The following ADPRHL1 variants were observed in gnomAD, a reference collection of about 807,000 sequenced individuals.
The protein encoded by ADPRHL1 is ADP-ribosylhydrolase like 1.
Under a neutral mutation model 44.1 loss-of-function variants are expected in ADPRHL1, and 43 were observed. That is an observed-to-expected ratio of 0.98 (90% CI 0.76 to 1.26). ADPRHL1 has a LOEUF of 1.26. Among genes scored for constraint, ADPRHL1 ranks in the 50% most tolerant of loss-of-function variants. ADPRHL1 has a pLI of 0.00. For missense variants in ADPRHL1, 2,022 were observed against 2,496.9 expected (o/e 0.81, Z 4.05); for synonymous variants, 878 against 1,017.4 (o/e 0.86, Z 2.61).
In ADPRHL1 at chr13:113,441,132, G is replaced by A. The variant is rs901563073; in HGVS notation, c.379+3293C>T. ...TGCGCCACTGCACTCCAATCTGGGC[G>A]ACAGAGCAAGACTCCATCTCAAAAT... On this transcript the variant is annotated intron_variant, in intron 2 of 7. Coordinates refer to ENST00000612156, the MANE Select transcript of ADPRHL1 (RefSeq NM_001394807.1). This position sits in a 1 kb window ranked among gnomAD's most constrained non-coding sequence, Gnocchi z 6.0. 9.9e-5 allele frequency among the ~76,000 whole-genome samples: 15 copies of A among 152,168 alleles called. No individual in the cohort carries two copies. The highest frequency in any genetic ancestry group is 1.6e-4 in the Non-Finnish European group (11 of 68,042).
intron 2 of ADPRHL1, among the ~76,000 whole-genome samples, chr13:113,442,335 G>C (rs946035246): frequency 6.6e-6 from 1 of 152,190 alleles, no homozygotes; most frequent in Non-Finnish European, 1.5e-5. Context: ...CGCATCTGTT[G>C]TCCCATCTAT....
At chr13:113,446,786 T>C (rs1255878116) in intron 1 of ADPRHL1, among the ~76,000 whole-genome samples, 1 of 152,136 alleles carries the variant, frequency 6.6e-6, no homozygotes, top group Non-Finnish European at 1.5e-5. Context: ...AGGCATGGCT[T>C]TGTCTATATG....
In ADPRHL1 at chr13:113,408,155, ATCT is replaced by A. The variant is rs767297377; in HGVS notation, c.1124_1126del (p.Lys375del). 10 of 1,231,912 alleles carry A rather than the reference ATCT, an allele frequency of 8.1e-6. No individual in the cohort carries two copies. The highest frequency in any genetic ancestry group is 3.2e-5 in the East Asian group (1 of 31,718). 76.3% of individuals were successfully genotyped at this position (1,231,912 alleles called of 1,614,324 possible). ...GGCCGGGTCACAGGCCAGCTTGCCC[ATCT>A]TCTTCTTCAGGGTTTGGGCGTCCAC... On this transcript the variant is annotated inframe_deletion, in exon 8 of 8. Coordinates refer to ENST00000612156, the MANE Select transcript of ADPRHL1 (RefSeq NM_001394807.1).
intron 1 of ADPRHL1, chr13:113,449,061 G>C (rs2044161623): frequency 1.0e-6 from 1 of 987,258 alleles, no homozygotes; most frequent in Non-Finnish European, 1.2e-6. Context: ...TGTCGTTTCA[G>C]GGCCATGGAT....
At chr13:113,436,396 G>C (rs2044056951) in intron 2 of ADPRHL1, among the ~76,000 whole-genome samples, 1 of 33,064 alleles carries the variant, frequency 3.0e-5, no homozygotes, top group African/African-American at 1.2e-4. Flanking sequence ...TGTACCCCGG[G>C]ACCCAGCACC....
At position 113,407,110 on chromosome 13, in the gene ADPRHL1, T is replaced by A. The variant is rs1595536281; in HGVS notation, c.2172A>T (p.Ser724=). ...AAGGGCTGGCCGGTCCCAGTGGGGA[T>A]GATGCAGGCACAAGGCCAGGAAGGA... The part of the protein sequence containing the change: ...GGVLPGLVPA[S]SPLGPASPWG... The change falls in exon 8 of 8, where the codon TCA becomes TCT. Residue 724 remains serine (S), a synonymous_variant. Coordinates refer to ENST00000612156, the MANE Select transcript of ADPRHL1 (RefSeq NM_001394807.1). The A allele has an allele frequency of 8.1e-7, 1 of 1,232,238 alleles. No homozygotes were observed. The highest frequency in any genetic ancestry group is 3.2e-5 in the East Asian group (1 of 31,706). 76.3% of individuals were successfully genotyped at this position (1,232,238 alleles called of 1,614,324 possible).
intron 4 of ADPRHL1, among the ~76,000 whole-genome samples, chr13:113,427,532 TTTTTC>T (rs1190356744): frequency 4.6e-5 from 7 of 152,166 alleles, no homozygotes; most frequent in Admixed American, 2.0e-4. Flanking sequence ...CCCGGCCTCT[TTTTTC>T]TTTTCTTTTT....
At chr13:113,449,186 G>C in intron 1 of ADPRHL1, 1 of 1,032,376 alleles carries the variant, frequency 9.7e-7, no homozygotes, top group South Asian at 3.3e-5. Flanking sequence ...CCCAGTCAGA[G>C]AGGCTCACCC....
chr13:113,404,842 T>C lies in ADPRHL1; in HGVS notation c.4440A>G (p.Gly1480=). ...GGGCCTGTCCTTGGGCTGCCGGGCT[T>C]CCCGGCCCCTCGGGCTCCCCTGGAG... is the stretch of plus-strand genomic sequence containing the variant. ...AVPPGEPEGP[G]SPAAQGQAQK... is the part of the protein sequence containing the mutation. Residue 1480 remains glycine, a synonymous_variant, in exon 8 of 8, where the codon GGA becomes GGG. Coordinates refer to ENST00000612156, the MANE Select transcript of ADPRHL1 (RefSeq NM_001394807.1). 1 of 1,248,376 alleles carries C rather than the reference T, an allele frequency of 8.0e-7. No homozygotes were observed. 77.3% of individuals were successfully genotyped at this position (1,248,376 alleles called of 1,614,324 possible).
At position 113,400,489 on chromosome 13, in the gene ADPRHL1, T is replaced by A. The variant is rs1477785870; in HGVS notation, c.*2889A>T. The stretch of plus-strand genomic sequence containing the variant: ...TTTTTTTTTAAAAAAACAAAACAAC[T>A]TTGGGTTTTATTTAAAATGCCCGTG... On this transcript the variant is annotated 3_prime_UTR_variant, in exon 8 of 8. Coordinates refer to ENST00000612156, the MANE Select transcript of ADPRHL1 (RefSeq NM_001394807.1). The A allele has an allele frequency of 1.3e-5, 2 of 150,954 alleles. No homozygotes were observed. Among genetic ancestry groups the A allele is most frequent in the African/African-American group, 2.4e-5 (1 of 40,904 alleles). The allele number at this position is 150,954 out of a possible 1,614,324, so 9.4% of individuals were successfully genotyped here.
intron 3 of ADPRHL1, 37 bp from the exon 4 acceptor site, chr13:113,429,129 T>G (rs749397359): frequency 6.3e-7 from 1 of 1,583,894 alleles, no homozygotes; most frequent in Non-Finnish European, 8.6e-7. Flanking sequence ...CACCATCACC[T>G]GGGCCGCTTG....
rs1462427821 is a variant in ADPRHL1 at position 113,400,301 on chromosome 13, A to G, written c.*3077T>C. The G allele has an allele frequency of 1.9e-4, 28 of 149,544 alleles. No individual in the cohort carries two copies. The highest frequency in any genetic ancestry group is 6.1e-4 in the African/African-American group (25 of 40,794). 9.3% of individuals were successfully genotyped at this position (149,544 alleles called of 1,614,324 possible). A position where few individuals can be genotyped will look rare whatever the true frequency, so the allele number is the denominator to read the frequency against. ...GCTGGGACTACAGGCACCCACCACC[A>G]CGCCCGGCTAATTTTTGTATTTTTA... On this transcript the variant is annotated 3_prime_UTR_variant, in exon 8 of 8. Transcript: ENST00000612156.
At chr13:113,426,063 T>C (rs2043966152) in intron 4 of ADPRHL1, among the ~76,000 whole-genome samples, 1 of 152,228 alleles carries the variant, frequency 6.6e-6, no homozygotes, top group Admixed American at 6.5e-5. Context: ...GCCCTGTGCC[T>C]GCAGAGCAGG....
intron 2 of ADPRHL1, among the ~76,000 whole-genome samples, chr13:113,439,517 G>T (rs146794401): frequency 6.6e-6 from 1 of 150,532 alleles, no homozygotes; most frequent in Admixed American, 6.6e-5. Flanking sequence ...ATGTGATCTC[G>T]GCTCACTGCA....
rs557421561 is a variant in ADPRHL1 at position 113,441,889 on chromosome 13, G to A, written c.379+2536C>T. ...CTATCACACTCTGTCCCCACCCTGTGTGTGAGTCTGTGTCTCTATCACGCT... is the reference window on the plus strand; with the variant it reads ...CTATCACACTCTGTCCCCACCCTGTATGTGAGTCTGTGTCTCTATCACGCT... On this transcript the variant is annotated intron_variant, in intron 2 of 7. Transcript: ENST00000612156. This position sits in a 1 kb window ranked among gnomAD's most constrained non-coding sequence, Gnocchi z 6.0. Among the ~76,000 whole-genome samples, 9 of 152,314 alleles carry A rather than the reference G, an allele frequency of 5.9e-5. No homozygotes were observed. Among genetic ancestry groups the A allele is most frequent in the African/African-American group, 2.2e-4 (9 of 41,578 alleles).
chr13:113,407,805 A>AG lies in ADPRHL1; in HGVS notation c.1476dup (p.Trp493LeufsTer124), dbSNP rs2043820520. The AG allele has an allele frequency of 6.5e-6, 8 of 1,231,890 alleles. No individual in the cohort carries two copies. The East Asian group carries it at 2.5e-4, about 39-fold the overall frequency. The allele number at this position is 1,231,890 out of a possible 1,614,324, so 76.3% of individuals were successfully genotyped here. A position where few individuals can be genotyped will look rare whatever the true frequency, so the allele number is the denominator to read the frequency against. ...GTGCTCTTCCCGGCCGGGTGGCCCC[A>AG]GCGGGGCTTCTCGCTGAGGCAGGGC... On this transcript the variant is annotated frameshift_variant, in exon 8 of 8. Transcript: ENST00000612156. LOFTEE classifies it low-confidence loss of function (END_TRUNC).
intron 1 of ADPRHL1, among the ~76,000 whole-genome samples, chr13:113,446,124 C>T (rs1467968174): frequency 4.5e-5 from 6 of 134,808 alleles, no homozygotes; most frequent in Non-Finnish European, 6.4e-5. Flanking sequence ...CAGCTGCAGG[C>T]CCCCCCTCCC....
At chr13:113,452,938 C>T (rs866357315) in intron 1 of ADPRHL1, among the ~76,000 whole-genome samples, 4 of 152,206 alleles carry the variant, frequency 2.6e-5, no homozygotes, top group Admixed American at 1.3e-4. Context: ...GCCTAGTTAA[C>T]GCTTTACAAA....
At chr13:113,421,136 C>T (rs1318026991) in intron 7 of ADPRHL1, among the ~76,000 whole-genome samples, 1 of 142,530 alleles carries the variant, frequency 7.0e-6, no homozygotes, top group Admixed American at 6.9e-5. Flanking sequence ...GACCCACCCC[C>T]GGGACACGCA....
Sources: gnomAD v4.1 joint callset for allele counts (sites outside exome capture counted in the v4.1 genomes callset) on GRCh38, gnomAD v4.1.1 for gene constraint, Gnocchi (gnomAD v3.1) non-coding constraint, MANE v1.5 for transcripts, NCBI Gene and HGNC (gene_info 2026-07-23, HGNC 2026-07-21) for gene names.